ELN: variants seen among roughly 807,000 people sequenced by gnomAD.
ELN encodes elastin, also known as tropoelastin.
Under a neutral mutation model 105.8 loss-of-function variants are expected in ELN, and 65 were observed. That is an observed-to-expected ratio of 0.61 (90% CI 0.50 to 0.75). The LOEUF (loss-of-function observed/expected upper bound fraction) is 0.75, where lower values mean the gene tolerates loss of function less well. Among genes scored for constraint, ELN ranks in the 30% least tolerant of loss-of-function variants. The pLI, the probability that ELN is intolerant of heterozygous loss-of-function variation, is 0.00. For synonymous variants in ELN, 368 were observed against 389.2 expected (o/e 0.95, Z 0.64); for missense variants, 882 against 969.4 (o/e 0.91, Z 1.20).
At chr7:74,056,565 A>G in intron 20 of ELN, 107 bp from the exon 21 acceptor site, 2 of 1,601,482 alleles carry the variant, frequency 1.2e-6, no homozygotes, top group South Asian at 2.2e-5. Context: ...GGGGGAGAAG[A>G]AGGGAGGTCG....
At chr7:74,045,942 G>A in intron 10 of ELN, 1 of 544,270 alleles carries the variant, frequency 1.8e-6, no homozygotes, top group Non-Finnish European at 3.3e-6. Flanking sequence ...GGCTGAGGCG[G>A]GAGAATCGCC....
chr7:74,043,354 T>G, intron 8 of ELN, 186 bp downstream of exon 8: 1 of 877,710 alleles, frequency 1.1e-6, no homozygotes, highest in Non-Finnish European at 1.8e-6. Context: ...CTGGCCCACT[T>G]CCCGGGCCCT....
chr7:74,032,557 T>C (rs1235209887), intron 1 of ELN, among the ~76,000 whole-genome samples: 2 of 152,212 alleles, frequency 1.3e-5, no homozygotes, highest in Non-Finnish European at 2.9e-5. Flanking sequence ...ACCTTCTCCA[T>C]TTCCTCATTG....
chr7:74,051,957 C>T lies in ELN; in HGVS notation c.923C>T (p.Ala308Val). 2.5e-6 allele frequency: 4 copies of T among 1,612,216 alleles called. No individual in the cohort carries two copies. The South Asian group carries it at 3.3e-5, about 13-fold the overall frequency. ...VGTPAAAAAA[A>V]AAAKAAKYGA... ...ACTCCAGCTGCAGCTGCAGCTGCAG[C>T]AGCAGCCGCTAAGGCAGCCAAGTAT... The change falls in exon 17 of 33, where the codon GCA becomes GTA. Residue 308 changes from alanine to valine, a missense_variant. Physicochemically the swap from Ala to Val is moderately conservative, Grantham distance 64. Coordinates refer to ENST00000252034, the MANE Select transcript of ELN (RefSeq NM_000501.4).
chr7:74,034,129 C>G (rs1437032257), intron 1 of ELN, among the ~76,000 whole-genome samples: 1 of 152,200 alleles, frequency 6.6e-6, no homozygotes, highest in Non-Finnish European at 1.5e-5. Flanking sequence ...TAAGACAGCC[C>G]GTGTCAGACG....
At chr7:74,061,238 C>A in intron 26 of ELN, 99 bp downstream of exon 26, 2 of 1,505,532 alleles carry the variant, frequency 1.3e-6, no homozygotes, top group Admixed American at 1.7e-5. Flanking sequence ...CAGTTTCGGC[C>A]GGGCGTGGTG....
chr7:74,045,896 G>A (rs1792376264), intron 10 of ELN: 7 of 455,722 alleles, frequency 1.5e-5, no homozygotes, highest in Middle Eastern at 6.4e-4. Context: ...TTAGCTGGGC[G>A]TGGTGGCCTG....
At chr7:74,038,620 C>T (rs548829476) in intron 4 of ELN, among the ~76,000 whole-genome samples, 1 of 152,314 alleles carries the variant, frequency 6.6e-6, no homozygotes, top group African/African-American at 2.4e-5. Flanking sequence ...GAGGAAACAG[C>T]GTCTCTGTCC....
At position 74,051,935 on chromosome 7, in the gene ELN, CCAGCTGCAGCTG is replaced by C. The variant is rs782133793; in HGVS notation, c.912_923del (p.Ala308_Ala311del). 1.7e-5 allele frequency: 28 copies of C among 1,613,624 alleles called. No homozygotes were observed. The highest frequency in any genetic ancestry group is 1.3e-4 in the African/African-American group (10 of 75,038). On this transcript the variant is annotated inframe_deletion, in exon 17 of 33. Transcript: ENST00000252034. ...GGCTGTGTTTTCAGGCGTTGGGACT[CCAGCTGCAGCTG>C]CAGCTGCAGCAGCAGCCGCTAAGGC...
intron 5 of ELN, 103 bp downstream of exon 5, chr7:74,041,354 G>T (rs1791177087): frequency 4.1e-6 from 6 of 1,472,194 alleles, no homozygotes; most frequent in African/African-American, 2.8e-5. Context: ...GTGCAGGCCA[G>T]GTTCCGTCCT....
chr7:74,032,343 C>T (rs574227205), intron 1 of ELN, among the ~76,000 whole-genome samples: 4 of 152,216 alleles, frequency 2.6e-5, no homozygotes, highest in South Asian at 2.1e-4. Flanking sequence ...AGCCCTGGTG[C>T]GGGGGTAGGA....
In ELN at chr7:74,059,807, G is replaced by A. The variant is rs1369663747; in HGVS notation, c.1415-79G>A. On this transcript the variant is annotated intron_variant, in intron 22 of 32. Coordinates refer to ENST00000252034, the MANE Select transcript of ELN (RefSeq NM_000501.4). Reference sequence around the variant, plus strand: ...CACAGCAAATCTATGCCAGGGCCGAGGCTCCAGCCCTCTTTCCATAAGCTT... The same window carrying A: ...CACAGCAAATCTATGCCAGGGCCGAAGCTCCAGCCCTCTTTCCATAAGCTT... 3 of 826,348 alleles carry A rather than the reference G, an allele frequency of 3.6e-6. No individual in the cohort carries two copies. The Admixed American group carries it at 5.1e-5, about 14-fold the overall frequency. 51.2% of individuals were successfully genotyped at this position (826,348 alleles called of 1,614,324 possible).
chr7:74,057,504 T>C lies in ELN; in HGVS notation c.1358-136T>C, dbSNP rs1795537573. On this transcript the variant is annotated intron_variant, in intron 21 of 32. Coordinates refer to ENST00000252034, the MANE Select transcript of ELN (RefSeq NM_000501.4). The stretch of plus-strand genomic sequence containing the variant: ...TCTCCAGCCCAGAGATGGGTTTGGT[T>C]TGTCTCATGGAAGGGTCCCTGGAGT... 3.8e-6 allele frequency: 6 copies of C among 1,592,420 alleles called. No homozygotes were observed. The African/African-American group carries it at 6.7e-5, about 18-fold the overall frequency.
chr7:74,056,678 C>T lies in ELN; in HGVS notation c.1322C>T (p.Ala441Val), dbSNP rs200444292. ...CTTTCTCGTTTCCTTGTAGCCGAAG[C>T]TCAGGCAGCAGCTGCCGCCAAGGCT... ...GVPGVGISPEAQAAAAAKAAK... is the reference protein window; with the variant it reads ...GVPGVGISPEVQAAAAAKAAK... The change falls in exon 21 of 33, where the codon GCT (alanine) becomes GTT (valine). Residue 441 changes from alanine (A) to valine (V), a missense_variant. Ala to Val is a moderately conservative substitution (Grantham distance 64). Transcript: ENST00000252034. 2.2e-5 allele frequency: 36 copies of T among 1,613,838 alleles called. No individual in the cohort carries two copies. In the East Asian group the frequency reaches 6.2e-4, roughly 28 times the overall value.
intron 29 of ELN, among the ~76,000 whole-genome samples, chr7:74,064,915 C>G (rs577617760): frequency 1.5e-3 from 229 of 152,240 alleles, no homozygotes; most frequent in African/African-American, 5.3e-3. Flanking sequence ...GTGAGTGCCA[C>G]AAGACCAGAC....
At chr7:74,033,456 C>T (rs2131056179) in intron 1 of ELN, among the ~76,000 whole-genome samples, 1 of 152,366 alleles carries the variant, frequency 6.6e-6, no homozygotes, top group Non-Finnish European at 1.5e-5. Context: ...CATGTGTGTG[C>T]TTGGCAGCGG....
intron 26 of ELN, among the ~76,000 whole-genome samples, chr7:74,061,870 G>A (rs1054577200): frequency 6.6e-6 from 1 of 152,152 alleles, no homozygotes; most frequent in Admixed American, 6.5e-5. Context: ...TCCAGGAAGG[G>A]ACTGGGCCTG....
At chr7:74,042,587 G>C in intron 5 of ELN, 27 bp from the exon 6 acceptor site, 1 of 1,606,922 alleles carries the variant, frequency 6.2e-7, no homozygotes, top group South Asian at 1.1e-5. Flanking sequence ...GGTAGCTCAG[G>C]ACCTCACCCC....
intron 12 of ELN, 47 bp downstream of exon 12, chr7:74,046,814 T>C (rs782496827): frequency 6.3e-7 from 1 of 1,599,670 alleles, no homozygotes; most frequent in Non-Finnish European, 8.6e-7. Context: ...CCGGGTGTGG[T>C]GGTTCACACC....
Sources: allele counts gnomAD v4.1 joint callset (sites outside exome capture counted in the v4.1 genomes callset), GRCh38; gene constraint gnomAD v4.1.1; transcripts MANE v1.5; gene names NCBI Gene and HGNC (gene_info 2026-07-23, HGNC 2026-07-21).